RNF150: variants seen among roughly 807,000 people sequenced by gnomAD.
The protein encoded by RNF150 is ring finger protein 150.
Under a neutral mutation model 39.3 loss-of-function variants are expected in RNF150, and 24 were observed. The observed-to-expected ratio is 0.61, with a 90% CI of 0.44 to 0.86. The LOEUF (loss-of-function observed/expected upper bound fraction) is 0.86, where lower values mean the gene tolerates loss of function less well. Ranked by LOEUF, RNF150 falls within the 40% of genes least tolerant of loss-of-function variation. RNF150 has a pLI of 0.00. For missense variants in RNF150, 502 were observed against 587.8 expected, an observed-to-expected ratio of 0.85 and a Z score of 1.51; for synonymous variants, 255 against 227.3, an observed-to-expected ratio of 1.12 and a Z score of -1.10.
At chr4:141,070,262 T>G (rs190725706) in intron 1 of RNF150, among the ~76,000 whole-genome samples, 57 of 152,314 alleles carry the variant, frequency 3.7e-4, no homozygotes, top group Non-Finnish European at 6.9e-4. Flanking sequence ...ACATTAGACC[T>G]AAAACCATAA....
At chr4:141,105,235 T>A (rs187418114) in intron 1 of RNF150, among the ~76,000 whole-genome samples, 1 of 152,280 alleles carries the variant, frequency 6.6e-6, no homozygotes. Flanking sequence ...TTTTCCAAAT[T>A]GGCCTACTTA....
At chr4:141,098,067 A>C (rs867972110) in intron 1 of RNF150, among the ~76,000 whole-genome samples, 2 of 152,182 alleles carry the variant, frequency 1.3e-5, no homozygotes, top group South Asian at 4.1e-4. Flanking sequence ...AAATAACTCC[A>C]ATTAGCATCA....
intron 5 of RNF150, among the ~76,000 whole-genome samples, chr4:140,915,075 A>C (rs1730762889): frequency 6.6e-6 from 1 of 152,210 alleles, no homozygotes; most frequent in Non-Finnish European, 1.5e-5. Context: ...GAAATTCATA[A>C]ATACGATTGT....
chr4:141,045,489 A>G (rs1736537783), intron 1 of RNF150, among the ~76,000 whole-genome samples: 3 of 152,012 alleles, frequency 2.0e-5, no homozygotes. Flanking sequence ...AAATTTAGGA[A>G]TACATTCTTT....
chr4:140,900,155 C>T (rs1560955277), intron 6 of RNF150, among the ~76,000 whole-genome samples: 1 of 152,096 alleles, frequency 6.6e-6, no homozygotes, highest in African/African-American at 2.4e-5. Context: ...CTTATAAACA[C>T]AAAAAGATCA....
intron 1 of RNF150, among the ~76,000 whole-genome samples, chr4:141,010,297 T>C (rs538629860): frequency 6.6e-6 from 1 of 152,208 alleles, no homozygotes; most frequent in Non-Finnish European, 1.5e-5. Flanking sequence ...CACAGGAGAA[T>C]TGGATTTTTG....
At chr4:140,976,681 C>T (rs982536238) in intron 1 of RNF150, among the ~76,000 whole-genome samples, 1 of 151,834 alleles carries the variant, frequency 6.6e-6, no homozygotes, top group Non-Finnish European at 1.5e-5. Context: ...CCTCTCCTGG[C>T]CTCCCTTCTC....
At chr4:141,068,191 C>T (rs528993858) in intron 1 of RNF150, among the ~76,000 whole-genome samples, 71 of 152,214 alleles carry the variant, frequency 4.7e-4, no homozygotes, top group East Asian at 9.7e-4. Context: ...GTGATCTGCC[C>T]GCCTTGGCCT....
chr4:140,935,020 TTATATATTTATA>T (rs1462819026), intron 4 of RNF150, among the ~76,000 whole-genome samples: 2 of 42,584 alleles, frequency 4.7e-5, no homozygotes, highest in Admixed American at 4.1e-4. Context: ...TATATATATA[TTATATATTTATA>T]ATATATATAT....
intron 1 of RNF150, among the ~76,000 whole-genome samples, chr4:141,091,764 C>A (rs1167977055): frequency 6.6e-6 from 1 of 152,104 alleles, no homozygotes; most frequent in Admixed American, 6.5e-5. Context: ...CTCAGACATC[C>A]TATAAGACAG....
At chr4:140,991,175 C>G (rs1734185449) in intron 1 of RNF150, among the ~76,000 whole-genome samples, 1 of 151,960 alleles carries the variant, frequency 6.6e-6, no homozygotes, top group Admixed American at 6.6e-5. Context: ...TTTCATTTGC[C>G]CACTTTTTAA....
At chr4:141,048,937 C>A (rs1050941841) in intron 1 of RNF150, among the ~76,000 whole-genome samples, 2 of 152,154 alleles carry the variant, frequency 1.3e-5, no homozygotes, top group African/African-American at 4.8e-5. Context: ...GTGATAAAAT[C>A]TGACACCAAG....
chr4:141,199,185 T>A (rs933306795), intron 1 of RNF150, among the ~76,000 whole-genome samples: 66 of 152,104 alleles, frequency 4.3e-4, no homozygotes, highest in African/African-American at 1.4e-3. Flanking sequence ...TACACACCTA[T>A]TAGAATGTCT....
At chr4:140,936,107 A>G (rs1731855555) in intron 4 of RNF150, among the ~76,000 whole-genome samples, 1 of 152,240 alleles carries the variant, frequency 6.6e-6, no homozygotes, top group Non-Finnish European at 1.5e-5. Flanking sequence ...CTTGGTGTAC[A>G]TCAATAGCTT....
intron 6 of RNF150, among the ~76,000 whole-genome samples, chr4:140,907,410 C>CA (rs1250902084): frequency 6.6e-6 from 1 of 152,062 alleles, no homozygotes. Context: ...AAATGTTTTT[C>CA]ATTTTTTTTT....
intron 1 of RNF150, among the ~76,000 whole-genome samples, chr4:141,182,862 C>T (rs1227531463): frequency 4.2e-5 from 6 of 143,250 alleles, no homozygotes; most frequent in African/African-American, 1.3e-4. Context: ...AAAAAGAGCC[C>T]GCATCGCCAA....
intron 6 of RNF150, among the ~76,000 whole-genome samples, chr4:140,908,553 C>CTT (rs1160124792): frequency 6.6e-6 from 1 of 152,040 alleles, no homozygotes; most frequent in Non-Finnish European, 1.5e-5. Context: ...GCCTGGCTTT[C>CTT]TTTTCTTCTG....
At chr4:141,109,468 TA>T (rs561040636) in intron 1 of RNF150, among the ~76,000 whole-genome samples, 1 of 151,468 alleles carries the variant, frequency 6.6e-6, no homozygotes, top group African/African-American at 2.4e-5. Context: ...AGATTCTTGG[TA>T]AAAAAAATAT....
intron 4 of RNF150, among the ~76,000 whole-genome samples, chr4:140,926,797 A>C (rs1731414075): frequency 6.6e-6 from 1 of 152,216 alleles, no homozygotes; most frequent in Non-Finnish European, 1.5e-5. Context: ...GTCCACACAG[A>C]GATGTCAGGA....
Sources: allele counts gnomAD v4.1 joint callset (sites outside exome capture counted in the v4.1 genomes callset), GRCh38; gene constraint gnomAD v4.1.1; transcripts MANE v1.5; gene names NCBI Gene and HGNC (gene_info 2026-07-23, HGNC 2026-07-21).